The following VWC2 variants were observed in gnomAD, a reference collection of about 807,000 sequenced individuals.
The protein encoded by VWC2 is brorin.
In VWC2, 14 loss-of-function variants were observed where a neutral mutation model predicts 29.8. The ratio of observed to expected loss-of-function variants is 0.47; its 90% confidence interval spans 0.31 to 0.74. The LOEUF is 0.74. Among genes scored for constraint, VWC2 ranks in the 30% least tolerant of loss-of-function variants. The pLI is 0.05. For missense variants in VWC2, 457 were observed against 459.8 expected, an observed-to-expected ratio of 0.99 and a Z score of 0.05; for synonymous variants, 213 against 199.0, an observed-to-expected ratio of 1.07 and a Z score of -0.59.
chr7:49,869,924 C>G (rs1044615121), intron 3 of VWC2, among the ~76,000 whole-genome samples: 2 of 151,866 alleles, frequency 1.3e-5, no homozygotes, highest in African/African-American at 4.8e-5. Flanking sequence ...AAAGGAATGA[C>G]TACTTGATAT....
chr7:49,903,187 T>A (rs1792871603), intron 3 of VWC2, among the ~76,000 whole-genome samples: 1 of 152,224 alleles, frequency 6.6e-6, no homozygotes, highest in African/African-American at 2.4e-5. Flanking sequence ...GAAAACAGTT[T>A]GTCAGTTTCT....
At chr7:49,888,812 G>T (rs891223759) in intron 3 of VWC2, among the ~76,000 whole-genome samples, 4 of 152,152 alleles carry the variant, frequency 2.6e-5, no homozygotes, top group African/African-American at 9.7e-5. Flanking sequence ...TTTGGGGGCC[G>T]AGGCAGGAGA....
In VWC2 at chr7:49,916,028, TTACAG is replaced by T. The variant is rs1793703986; in HGVS notation, c.*3848_*3852del. 1 of 152,218 alleles carries T rather than the reference TTACAG, an allele frequency of 6.6e-6. No individual in the cohort carries two copies. The highest frequency in any genetic ancestry group is 6.5e-5 in the Admixed American group (1 of 15,270). The allele number at this position is 152,218 out of a possible 1,614,324, so 9.4% of individuals were successfully genotyped here. On this transcript the variant is annotated 3_prime_UTR_variant, in exon 4 of 4. Coordinates refer to ENST00000340652, the MANE Select transcript of VWC2 (RefSeq NM_198570.5). ...TACTTATTCAGGAATAAGTGCATTT[TTACAG>T]TACATATTTTTCACATTTCAGCTGC...
intron 3 of VWC2, among the ~76,000 whole-genome samples, chr7:49,905,207 A>T (rs957459035): frequency 6.6e-6 from 1 of 152,212 alleles, no homozygotes; most frequent in East Asian, 1.9e-4. Flanking sequence ...CAGAAGCAGC[A>T]TATTCAACAT....
In VWC2 at chr7:49,918,311, G is replaced by A. The variant is rs894064152; in HGVS notation, c.*6126G>A. 6.6e-6 allele frequency: 1 copy of A among 152,138 alleles called. No homozygotes were observed. Among genetic ancestry groups the A allele is most frequent in the Admixed American group, 6.5e-5 (1 of 15,268 alleles). The allele number at this position is 152,138 out of a possible 1,614,324, so 9.4% of individuals were successfully genotyped here. A position where few individuals can be genotyped will look rare whatever the true frequency, so the allele number is the denominator to read the frequency against. Reference sequence around the variant, plus strand: ...CGTGATTTGAAGTCTTATCATTTGTGTTTAGGTCAGGGACCTCTAGAAAAT... The same window carrying A: ...CGTGATTTGAAGTCTTATCATTTGTATTTAGGTCAGGGACCTCTAGAAAAT... On this transcript the variant is annotated 3_prime_UTR_variant, in exon 4 of 4. Transcript: ENST00000340652.
intron 3 of VWC2, among the ~76,000 whole-genome samples, chr7:49,872,421 T>C (rs1791196041): frequency 6.6e-6 from 1 of 152,062 alleles, no homozygotes; most frequent in South Asian, 2.1e-4. Context: ...GATCACTACC[T>C]CATAGTATAT....
chr7:49,812,558 T>C (rs1379952826), intron 3 of VWC2, among the ~76,000 whole-genome samples: 4 of 152,224 alleles, frequency 2.6e-5, no homozygotes, highest in African/African-American at 9.6e-5. Context: ...ATAGAAACTT[T>C]AGACAAATTA....
chr7:49,799,386 C>T lies in VWC2; in HGVS notation c.697-3325C>T, dbSNP rs1047877961. Among the ~76,000 whole-genome samples, 8 of 152,248 alleles carry T rather than the reference C, an allele frequency of 5.3e-5. No individual in the cohort carries two copies. The East Asian group carries it at 1.5e-3, about 29-fold the overall frequency. ...CCTATCAGATGAGAAACTCTGACTTCAGGGCCGGTGACCAGCTTGAGGGCT... is the reference window on the plus strand; with the variant it reads ...CCTATCAGATGAGAAACTCTGACTTTAGGGCCGGTGACCAGCTTGAGGGCT... On this transcript the variant is annotated intron_variant, in intron 2 of 3. Transcript: ENST00000340652.
intron 3 of VWC2, among the ~76,000 whole-genome samples, chr7:49,807,446 T>C (rs1788905747): frequency 6.6e-6 from 1 of 152,088 alleles, no homozygotes; most frequent in Admixed American, 6.5e-5. Context: ...GACTGACAAA[T>C]GGAACAGGAC....
chr7:49,860,879 C>G (rs943220606), intron 3 of VWC2, among the ~76,000 whole-genome samples: 1 of 152,168 alleles, frequency 6.6e-6, no homozygotes, highest in Admixed American at 6.5e-5. Context: ...TGGCCATCTG[C>G]GAGCCAAGGG....
At chr7:49,823,078 A>G (rs1481345659) in intron 3 of VWC2, among the ~76,000 whole-genome samples, 1 of 152,212 alleles carries the variant, frequency 6.6e-6, no homozygotes, top group Non-Finnish European at 1.5e-5. Flanking sequence ...GAAACTGTCA[A>G]ACAGTTTTCC....
chr7:49,846,484 C>G (rs999882326), intron 3 of VWC2, among the ~76,000 whole-genome samples: 1 of 152,180 alleles, frequency 6.6e-6, no homozygotes, highest in African/African-American at 2.4e-5. Flanking sequence ...ATGCCTTTTT[C>G]TGTGCTTGGA....
rs1053160748 is a variant in VWC2, at chr7:49,912,648, T to C, written c.*463T>C. The C allele has an allele frequency of 6.5e-6, 1 of 152,866 alleles. No homozygotes were observed. Among genetic ancestry groups the C allele is most frequent in the Non-Finnish European group, 1.5e-5 (1 of 68,186 alleles). The allele number at this position is 152,866 out of a possible 1,614,324, so 9.5% of individuals were successfully genotyped here. ...AGTCACGCATGAATGGATCATAAGA[T>C]ATTAGGACCAATTTCCACTGAAACC... On this transcript the variant is annotated 3_prime_UTR_variant, in exon 4 of 4. Coordinates refer to ENST00000340652, the MANE Select transcript of VWC2 (RefSeq NM_198570.5).
Position 49,904,982 on chromosome 7 carries a change from C to T in VWC2, c.827-7052C>T, listed in dbSNP as rs141198690. On this transcript the variant is annotated intron_variant, in intron 3 of 3. Coordinates refer to ENST00000340652, the MANE Select transcript of VWC2 (RefSeq NM_198570.5). ...AACTCCTGACCTCATAATCTACCCA[C>T]CTCAGCCTCCCAAAGTGCTGGGATT... Among the ~76,000 whole-genome samples the T allele has an allele frequency of 8.5e-4, 130 of 152,198 alleles. 1 individual carries two copies. Among genetic ancestry groups the T allele is most frequent in the African/African-American group, 3.0e-3 (125 of 41,538 alleles).
chr7:49,858,144 C>T (rs1790501736), intron 3 of VWC2, among the ~76,000 whole-genome samples: 1 of 152,184 alleles, frequency 6.6e-6, no homozygotes, highest in Non-Finnish European at 1.5e-5. Context: ...TTCTCCACAT[C>T]CTCTCCAGCA....
chr7:49,778,186 A>G (rs1192352203), intron 2 of VWC2, among the ~76,000 whole-genome samples: 2 of 152,098 alleles, frequency 1.3e-5, no homozygotes, highest in African/African-American at 2.4e-5. Flanking sequence ...GGGATCTCTC[A>G]TTTAATTTCC....
intron 3 of VWC2, among the ~76,000 whole-genome samples, chr7:49,887,169 T>C (rs1291048442): frequency 6.6e-6 from 1 of 152,206 alleles, no homozygotes; most frequent in Admixed American, 6.5e-5. Context: ...TCGATGATGA[T>C]TTGGATTTCC....
chr7:49,893,175 G>A (rs1055182181), intron 3 of VWC2, among the ~76,000 whole-genome samples: 7 of 152,068 alleles, frequency 4.6e-5, no homozygotes, highest in African/African-American at 1.7e-4. Context: ...TTGAATTTTG[G>A]TGGAGACTGG....
intron 3 of VWC2, among the ~76,000 whole-genome samples, chr7:49,845,919 A>G: frequency 6.6e-6 from 1 of 152,172 alleles, no homozygotes; most frequent in East Asian, 1.9e-4. Context: ...TCATCACTGG[A>G]GAGTTTTCAC....
Sources: gnomAD v4.1 joint callset for allele counts (sites outside exome capture counted in the v4.1 genomes callset) on GRCh38, gnomAD v4.1.1 for gene constraint, MANE v1.5 for transcripts, NCBI Gene and HGNC (gene_info 2026-07-23, HGNC 2026-07-21) for gene names.